MAP3K4: variants seen among roughly 807,000 people sequenced by gnomAD.
The protein encoded by MAP3K4 is mitogen-activated protein kinase kinase kinase 4.
Under a neutral mutation model 185.6 loss-of-function variants are expected in MAP3K4, and 67 were observed. The observed-to-expected ratio is 0.36, with a 90% CI of 0.30 to 0.44. The LOEUF (loss-of-function observed/expected upper bound fraction) is 0.44. Ranked by LOEUF, MAP3K4 falls within the 20% of genes least tolerant of loss-of-function variation. The pLI, the probability that MAP3K4 is intolerant of heterozygous loss-of-function variation, is 1.00. For missense variants in MAP3K4, 1,551 were observed against 1,995.1 expected (o/e 0.78, Z 4.24); for synonymous variants, 702 against 710.4 (o/e 0.99, Z 0.19).
intron 19 of MAP3K4, among the ~76,000 whole-genome samples, chr6:161,104,212 C>T (rs576412247): frequency 6.7e-6 from 1 of 149,882 alleles, no homozygotes; most frequent in African/African-American, 2.5e-5. Context: ...GTCAGGAGTT[C>T]AAGACCAGCC....
chr6:161,070,912 T>G lies in MAP3K4; in HGVS notation c.1950+62T>G, dbSNP rs577667735. On this transcript the variant is annotated intron_variant, in intron 4 of 26. Coordinates refer to ENST00000392142, the MANE Select transcript of MAP3K4 (RefSeq NM_005922.4). This position sits in a 1 kb window ranked among gnomAD's most constrained non-coding sequence, Gnocchi z 4.5. ...ATTATATTATCCTACAGGCTTATCA[T>G]TTTTATTTTGAGAGTTCCTTTTTTT... 7.1e-7 allele frequency: 1 copy of G among 1,411,498 alleles called. No individual in the cohort carries two copies. Among genetic ancestry groups the G allele is most frequent in the Admixed American group, 2.8e-5 (1 of 35,260 alleles). The allele number at this position is 1,411,498 out of a possible 1,614,324, so 87.4% of individuals were successfully genotyped here.
chr6:161,092,758 C>G (rs879586465), intron 13 of MAP3K4, among the ~76,000 whole-genome samples: 3 of 152,174 alleles, frequency 2.0e-5, no homozygotes, highest in Non-Finnish European at 2.9e-5. Flanking sequence ...GTCTAAAATC[C>G]TCTTCCATGC....
chr6:161,054,019 A>G lies in MAP3K4; in HGVS notation c.1707+4040A>G, dbSNP rs1041443559. On this transcript the variant is annotated intron_variant, in intron 3 of 26. Coordinates refer to ENST00000392142, the MANE Select transcript of MAP3K4 (RefSeq NM_005922.4). This position sits in a 1 kb window ranked among gnomAD's most constrained non-coding sequence, Gnocchi z 4.2. Reference sequence around the variant, plus strand: ...AATGAATATAGGTGAAGGATTTTGTAGAAAAGAAGAAATACACGTGATGTT... The same window carrying G: ...AATGAATATAGGTGAAGGATTTTGTGGAAAAGAAGAAATACACGTGATGTT... 1.3e-5 allele frequency among the ~76,000 whole-genome samples: 2 copies of G among 152,242 alleles called. No individual in the cohort carries two copies. The highest frequency in any genetic ancestry group is 4.8e-5 in the African/African-American group (2 of 41,464).
intron 2 of MAP3K4, among the ~76,000 whole-genome samples, chr6:161,038,160 A>T (rs1470324197): frequency 1.3e-5 from 2 of 151,836 alleles, no homozygotes; most frequent in African/African-American, 4.8e-5. Flanking sequence ...GAGTGACTCC[A>T]TAGGCATGTG....
intron 1 of MAP3K4, among the ~76,000 whole-genome samples, chr6:160,998,744 A>G (rs1240534103): frequency 2.0e-5 from 3 of 152,190 alleles, no homozygotes; most frequent in African/African-American, 7.2e-5. Flanking sequence ...CTCAACATGT[A>G]TATTGTGTTT....
At chr6:160,994,533 G>T (rs1158448456) in intron 1 of MAP3K4, among the ~76,000 whole-genome samples, 1 of 152,062 alleles carries the variant, frequency 6.6e-6, no homozygotes, top group Non-Finnish European at 1.5e-5. Flanking sequence ...CCACTCATTG[G>T]TTGATGGGCA....
At chr6:161,005,240 G>A (rs535292906) in intron 1 of MAP3K4, among the ~76,000 whole-genome samples, 1 of 151,722 alleles carries the variant, frequency 6.6e-6, no homozygotes, top group South Asian at 2.1e-4. Flanking sequence ...CTGGGCTCAA[G>A]TGATCCTCCC....
At position 161,100,919 on chromosome 6, in the gene MAP3K4, A is replaced by G. The variant is rs746349691; in HGVS notation, c.3675-973A>G. ...CATCACTTCAGACTTAACAAGTGCTATACTAGATTTGAGGGCTTAGGGAAA... is the reference window on the plus strand; with the variant it reads ...CATCACTTCAGACTTAACAAGTGCTGTACTAGATTTGAGGGCTTAGGGAAA... On this transcript the variant is annotated intron_variant, in intron 17 of 26. Transcript: ENST00000392142. The surrounding 1 kb of genome is among the most constrained non-coding windows in gnomAD (Gnocchi z 5.8). The G allele has an allele frequency of 6.6e-6, 1 of 152,156 alleles. No homozygotes were observed. The highest frequency in any genetic ancestry group is 1.9e-4 in the East Asian group (1 of 5,184). The allele number at this position is 152,156 out of a possible 1,614,324, so 9.4% of individuals were successfully genotyped here. A position where few individuals can be genotyped will look rare whatever the true frequency, so the allele number is the denominator to read the frequency against.
chr6:161,094,519 GT>G (rs1302225538), intron 15 of MAP3K4, among the ~76,000 whole-genome samples: 1 of 152,112 alleles, frequency 6.6e-6, no homozygotes. Flanking sequence ...TCTTGAGATA[GT>G]TTGTAAATAA....
At chr6:161,042,126 T>A (rs1783495582) in intron 2 of MAP3K4, among the ~76,000 whole-genome samples, 1 of 151,846 alleles carries the variant, frequency 6.6e-6, no homozygotes, top group Non-Finnish European at 1.5e-5. Context: ...CCCTTTTGAT[T>A]AAACAAAAAT....
intron 1 of MAP3K4, among the ~76,000 whole-genome samples, chr6:161,025,707 T>A (rs1038526177): frequency 1.3e-5 from 2 of 152,230 alleles, no homozygotes; most frequent in African/African-American, 4.8e-5. Context: ...ATAAGGAGAT[T>A]TTAAAAAATG....
rs1777313132 is a variant in MAP3K4, at chr6:161,091,564, A to C, written c.3135+24A>C. The C allele has an allele frequency of 1.3e-6, 2 of 1,598,162 alleles. No individual in the cohort carries two copies. The highest frequency in any genetic ancestry group is 1.7e-6 in the Non-Finnish European group (2 of 1,172,306). On this transcript the variant is annotated intron_variant, in intron 12 of 26. Coordinates refer to ENST00000392142, the MANE Select transcript of MAP3K4 (RefSeq NM_005922.4). This position sits in a 1 kb window ranked among gnomAD's most constrained non-coding sequence, Gnocchi z 5.5. ...AGGTAGGTTCAAAATAAGAGGAAAC[A>C]CGGTACAATTTAGTAATTGCTTGAT... is the stretch of plus-strand genomic sequence containing the variant.
At chr6:160,995,186 T>A (rs1780933534) in intron 1 of MAP3K4, among the ~76,000 whole-genome samples, 1 of 152,202 alleles carries the variant, frequency 6.6e-6, no homozygotes, top group African/African-American at 2.4e-5. Context: ...AATTTGCATT[T>A]CCCTGATAAT....
rs1159233283 is a variant in MAP3K4 at position 161,017,791 on chromosome 6, A to G, written c.153-16468A>G. 2.0e-5 allele frequency among the ~76,000 whole-genome samples: 3 copies of G among 152,198 alleles called. No homozygotes were observed. Among genetic ancestry groups the G allele is most frequent in the Non-Finnish European group, 4.4e-5 (3 of 68,026 alleles). On this transcript the variant is annotated intron_variant, in intron 1 of 26. Coordinates refer to ENST00000392142, the MANE Select transcript of MAP3K4 (RefSeq NM_005922.4). This position sits in a 1 kb window ranked among gnomAD's most constrained non-coding sequence, Gnocchi z 5.1. The stretch of plus-strand genomic sequence containing the variant: ...ATCCTATTATATAATACTTAGCTAC[A>G]TCATGTAATCAGTCACTTTGAAGGT...
chr6:161,006,899 T>C (rs985096940), intron 1 of MAP3K4, among the ~76,000 whole-genome samples: 1 of 152,104 alleles, frequency 6.6e-6, no homozygotes, highest in Non-Finnish European at 1.5e-5. Context: ...GAGCTCAAAG[T>C]AGACAAATAG....
intron 3 of MAP3K4, among the ~76,000 whole-genome samples, chr6:161,057,923 C>A (rs571004996): frequency 6.6e-6 from 1 of 152,286 alleles, no homozygotes; most frequent in Admixed American, 6.5e-5. Context: ...GTGAGCAAAC[C>A]GACTCAAACT....
chr6:161,079,565 A>G (rs1785345646), intron 5 of MAP3K4, among the ~76,000 whole-genome samples: 1 of 152,214 alleles, frequency 6.6e-6, no homozygotes, highest in Non-Finnish European at 1.5e-5. Context: ...CAGCAAGAGG[A>G]AACTCCATCT....
intron 3 of MAP3K4, among the ~76,000 whole-genome samples, chr6:161,058,647 T>C (rs2114785039): frequency 6.6e-6 from 1 of 152,360 alleles, no homozygotes; most frequent in African/African-American, 2.4e-5. Flanking sequence ...ATTATGTCTT[T>C]GTTATGTAAC....
rs1781651816 is a variant in MAP3K4, at chr6:161,007,636, A to G, written c.152+15553A>G. ...TTTAAATACCCAGACATGATCCTGT[A>G]TAGCCTCTGAAAATCTGTAAAGGTT... On this transcript the variant is annotated intron_variant, in intron 1 of 26. Coordinates refer to ENST00000392142, the MANE Select transcript of MAP3K4 (RefSeq NM_005922.4). The surrounding 1 kb of genome is among the most constrained non-coding windows in gnomAD (Gnocchi z 4.5). Among the ~76,000 whole-genome samples, 1 of 152,248 alleles carries G rather than the reference A, an allele frequency of 6.6e-6. No individual in the cohort carries two copies. Among genetic ancestry groups the G allele is most frequent in the Non-Finnish European group, 1.5e-5 (1 of 68,050 alleles).
Sources: gnomAD v4.1 joint callset for allele counts (sites outside exome capture counted in the v4.1 genomes callset) on GRCh38, gnomAD v4.1.1 for gene constraint, Gnocchi (gnomAD v3.1) non-coding constraint, MANE v1.5 for transcripts, NCBI Gene and HGNC (gene_info 2026-07-23, HGNC 2026-07-21) for gene names.